Variants in SLC43A3 observed in about 807,000 individuals in gnomAD.
The protein encoded by SLC43A3 is solute carrier family 43 member 3, also known as equilibrative nucleobase transporter 1.
SLC43A3 carries 33 observed loss-of-function variants against 53.3 expected under a neutral mutation model. The ratio of observed to expected loss-of-function variants is 0.62; its 90% CI spans 0.47 to 0.83. SLC43A3 has a LOEUF of 0.83. SLC43A3 is among the 40% of genes least tolerant of loss of function. The probability of loss-of-function intolerance (pLI) is 0.00; values close to 1 mark genes in which losing one functional copy is unlikely to be tolerated. For missense variants in SLC43A3, 530 were observed against 610.0 expected, an observed-to-expected ratio of 0.87 and a Z score of 1.38; for synonymous variants, 236 against 246.2, an observed-to-expected ratio of 0.96 and a Z score of 0.39.
chr11:57,425,464 G>T (rs746240501), intron 4 of SLC43A3, 77 bp downstream of exon 4: 44 of 1,516,942 alleles, frequency 2.9e-5, no homozygotes, highest in Admixed American at 1.2e-4. Flanking sequence ...TCTGACTCTG[G>T]ATTTCACTCC....
At chr11:57,407,978 T>A in intron 13 of SLC43A3, 82 bp from the exon 14 acceptor site, 1 of 890,038 alleles carries the variant, frequency 1.1e-6, no homozygotes, top group Non-Finnish European at 1.8e-6. Flanking sequence ...CACTGGTCCA[T>A]TCCATGACCA....
chr11:57,413,058 C>T (rs925426507), intron 11 of SLC43A3, among the ~76,000 whole-genome samples: 54 of 138,320 alleles, frequency 3.9e-4, no homozygotes, highest in African/African-American at 1.2e-3. Flanking sequence ...GAGTTATTCA[C>T]GGCAAAAAAA....
intron 7 of SLC43A3, among the ~76,000 whole-genome samples, chr11:57,420,582 C>G (rs1300821060): frequency 1.3e-5 from 2 of 152,190 alleles, no homozygotes; most frequent in African/African-American, 2.4e-5. Context: ...CTGCTGTACC[C>G]ACTAGCCACT....
intron 5 of SLC43A3, among the ~76,000 whole-genome samples, chr11:57,421,851 A>T (rs1378095785): frequency 6.6e-6 from 1 of 152,352 alleles, no homozygotes; most frequent in African/African-American, 2.4e-5. Context: ...AGGTGCTATG[A>T]GAACTGAGTG....
Position 57,417,820 on chromosome 11 carries a change from T to C in SLC43A3, c.599A>G (p.His200Arg), listed in dbSNP as rs775415297. ...CATCAGGAGGAAAGTGCGTGCTACA[T>C]GCCAGGTACTGCAGACAGAGATGAA... ...FIFISVCSTW[H>R]VARTFLLMPR... The change falls in exon 8 of 14, where the codon CAT becomes CGT. Residue 200 changes from histidine (H) to arginine (R), a missense_variant. His to Arg is a conservative substitution (Grantham distance 29). This residue lies in a region of SLC43A3 where 376 missense variants were observed against 386.7 expected (regional missense o/e 0.97). Transcript: ENST00000395124. 11 of 1,614,042 alleles carry C rather than the reference T, an allele frequency of 6.8e-6. No homozygotes were observed. The highest frequency in any genetic ancestry group is 9.3e-6 in the Non-Finnish European group (11 of 1,180,032).
chr11:57,415,468 T>G, intron 9 of SLC43A3: 1 of 1,221,376 alleles, frequency 8.2e-7, no homozygotes, highest in Non-Finnish European at 1.1e-6. Context: ...AGAATGAGTG[T>G]GGATACTCTG....
At chr11:57,409,364 C>T (rs1942346494) in intron 12 of SLC43A3, 66 bp from the exon 13 acceptor site, 5 of 1,591,748 alleles carry the variant, frequency 3.1e-6, no homozygotes, top group Admixed American at 1.7e-5. Context: ...AGAAGCCTGG[C>T]CTCTGGGGGC....
chr11:57,425,761 G>T (rs943613069), intron 3 of SLC43A3, 91 bp from the exon 4 acceptor site: 2 of 1,566,888 alleles, frequency 1.3e-6, no homozygotes, highest in African/African-American at 2.7e-5. Flanking sequence ...ACAGCTTGTC[G>T]GTCGCAAACT....
intron 7 of SLC43A3, among the ~76,000 whole-genome samples, chr11:57,418,232 G>A (rs1272698414): frequency 6.6e-6 from 1 of 152,034 alleles, no homozygotes; most frequent in Non-Finnish European, 1.5e-5. Context: ...CTACTCAGGA[G>A]GCTGAGTGGG....
At chr11:57,423,434 TTTTG>T (rs921070359) in intron 5 of SLC43A3, among the ~76,000 whole-genome samples, 3 of 152,112 alleles carry the variant, frequency 2.0e-5, no homozygotes, top group Non-Finnish European at 2.9e-5. Context: ...TTTTAGGGTT[TTTTG>T]TTTGTTTTTT....
intron 11 of SLC43A3, among the ~76,000 whole-genome samples, chr11:57,414,379 C>T (rs1472089886): frequency 2.6e-5 from 4 of 151,990 alleles, no homozygotes; most frequent in Admixed American, 1.3e-4. Flanking sequence ...TGGTGGCACA[C>T]GCCTGTAATC....
At chr11:57,419,386 C>A (rs997946016) in intron 7 of SLC43A3, among the ~76,000 whole-genome samples, 2 of 152,150 alleles carry the variant, frequency 1.3e-5, no homozygotes, top group Non-Finnish European at 2.9e-5. Flanking sequence ...CAGAGAGTGA[C>A]GTTGAGGTCC....
At chr11:57,420,935 C>A (rs1268873198) in intron 7 of SLC43A3, 37 bp downstream of exon 7, 4 of 1,366,788 alleles carry the variant, frequency 2.9e-6, no homozygotes, top group Non-Finnish European at 4.2e-6. Context: ...CTGGCATATA[C>A]AAGTGCCCAG....
At chr11:57,422,964 C>A (rs897958271) in intron 5 of SLC43A3, among the ~76,000 whole-genome samples, 2 of 152,168 alleles carry the variant, frequency 1.3e-5, no homozygotes, top group African/African-American at 4.8e-5. Flanking sequence ...GCATAGCTTA[C>A]ACACACAAGA....
At chr11:57,413,967 T>C (rs1942597684) in intron 11 of SLC43A3, among the ~76,000 whole-genome samples, 1 of 152,174 alleles carries the variant, frequency 6.6e-6, no homozygotes. Flanking sequence ...ACCAATCCCA[T>C]CCTCACCTAG....
chr11:57,421,169 C>A, intron 6 of SLC43A3, 105 bp from the exon 7 acceptor site: 1 of 1,201,482 alleles, frequency 8.3e-7, no homozygotes, highest in South Asian at 1.3e-5. Context: ...ACTCACCCTC[C>A]ACCGCTAGAG....
intron 9 of SLC43A3, among the ~76,000 whole-genome samples, chr11:57,415,762 AAAAT>A (rs1181675743): frequency 6.6e-6 from 1 of 152,210 alleles, no homozygotes; most frequent in Admixed American, 6.5e-5. Context: ...TTCTTTCTTT[AAAAT>A]AAATAAATAA....
intron 9 of SLC43A3, among the ~76,000 whole-genome samples, chr11:57,416,180 G>A (rs1458490034): frequency 1.3e-5 from 2 of 152,186 alleles, no homozygotes; most frequent in Non-Finnish European, 2.9e-5. Flanking sequence ...GAACAGAGAG[G>A]AAGGAAAGGA....
chr11:57,420,934 A>G (rs1430623829), intron 7 of SLC43A3, 38 bp downstream of exon 7: 1 of 1,356,066 alleles, frequency 7.4e-7, no homozygotes, highest in Admixed American at 1.7e-5. Flanking sequence ...TCTGGCATAT[A>G]CAAGTGCCCA....
Sources: gnomAD v4.1 joint callset for allele counts (sites outside exome capture counted in the v4.1 genomes callset) on GRCh38, gnomAD v4.1.1 for gene constraint, gnomAD v4.1.1 regional missense constraint, MANE v1.5 for transcripts, NCBI Gene and HGNC (gene_info 2026-07-23, HGNC 2026-07-21) for gene names.